Variants in LMLN observed in about 807,000 individuals in gnomAD.
The protein encoded by LMLN is leishmanolysin-like peptidase.
Under a neutral mutation model 92.3 loss-of-function variants are expected in LMLN, and 70 were observed. The ratio of observed to expected loss-of-function variants is 0.76; its 90% CI spans 0.63 to 0.92. The LOEUF is 0.92. Ranked by LOEUF, LMLN falls within the 40% of genes least tolerant of loss-of-function variation. The probability of loss-of-function intolerance (pLI) is 0.00; values close to 1 mark genes in which losing one functional copy is unlikely to be tolerated. For synonymous variants in LMLN, 308 were observed against 296.2 expected, an observed-to-expected ratio of 1.04 and a Z score of -0.41; for missense variants, 691 against 814.6, an observed-to-expected ratio of 0.85 and a Z score of 1.85.
intron 6 of LMLN, among the ~76,000 whole-genome samples, chr3:197,982,357 C>T (rs554369234): frequency 2.0e-5 from 3 of 151,152 alleles, no homozygotes; most frequent in South Asian, 2.1e-4. Flanking sequence ...TCCTGAGTAG[C>T]GGCGACTACA....
intron 14 of LMLN, among the ~76,000 whole-genome samples, chr3:198,033,265 C>G (rs919439133): frequency 6.6e-6 from 1 of 152,140 alleles, no homozygotes; most frequent in Non-Finnish European, 1.5e-5. Flanking sequence ...CCTTAGGATG[C>G]AAATGCTGTC....
Position 198,012,868 on chromosome 3 carries a change from TGTA to T in LMLN, c.1233-6384_1233-6382del, listed in dbSNP as rs1441145226. Among the ~76,000 whole-genome samples the T allele has an allele frequency of 1.2e-3, 165 of 139,390 alleles. 40 individuals carry two copies. The highest frequency in any genetic ancestry group is 3.4e-3 in the African/African-American group (112 of 32,474). The allele number at this position is 139,390 out of a possible 152,430, so 91.4% of individuals were successfully genotyped here. On this transcript the variant is annotated intron_variant, in intron 11 of 15. Coordinates refer to ENST00000330198, the Ensembl canonical transcript of LMLN. ...AGTCCCCTAACTAGTCTGACTTCTC[TGTA>T]CCCTTCAGAGTCCCCTAACTAGTCT...
intron 1 of LMLN, among the ~76,000 whole-genome samples, chr3:197,965,775 G>T (rs1026307183): frequency 2.0e-5 from 3 of 152,144 alleles, no homozygotes; most frequent in Admixed American, 2.0e-4. Context: ...TTAGTTGGGT[G>T]TGGTGTTGTA....
intron 14 of LMLN, among the ~76,000 whole-genome samples, chr3:198,030,423 T>C (rs1560156893): frequency 6.6e-6 from 1 of 152,236 alleles, no homozygotes; most frequent in Admixed American, 6.5e-5. Context: ...TCGTTTTCTC[T>C]GGATTTAAGA....
chr3:198,019,458 A>T lies in LMLN; in HGVS notation c.1365+73A>T. On this transcript the variant is annotated intron_variant, in intron 12 of 15. Transcript: ENST00000330198. This position sits in a 1 kb window ranked among gnomAD's most constrained non-coding sequence, Gnocchi z 5.5. Reference sequence around the variant, plus strand: ...AGTCTCCATTTTAACTAAAAGAGTAAATTCTCTTAAGATTCTTAATTTATA... The same window carrying T: ...AGTCTCCATTTTAACTAAAAGAGTATATTCTCTTAAGATTCTTAATTTATA... 7.1e-7 allele frequency: 1 copy of T among 1,413,472 alleles called. No homozygotes were observed. Among genetic ancestry groups the T allele is most frequent in the Non-Finnish European group, 9.6e-7 (1 of 1,045,988 alleles). The allele number at this position is 1,413,472 out of a possible 1,614,324, so 87.6% of individuals were successfully genotyped here.
chr3:198,000,736 C>T lies in LMLN; in HGVS notation c.1232+1394C>T, dbSNP rs138839951. On this transcript the variant is annotated intron_variant, in intron 11 of 15. Transcript: ENST00000330198. ...AGCCACCGTGCCCAGCATATCTCAT[C>T]GAGTTTTATGAGACTTAAATGAGTA... Among the ~76,000 whole-genome samples the T allele has an allele frequency of 3.9e-3, 591 of 152,164 alleles. 2 individuals carry two copies. The highest frequency in any genetic ancestry group is 0.013 in the African/African-American group (554 of 41,526).
chr3:198,018,951 C>T (rs1482249314), intron 11 of LMLN, among the ~76,000 whole-genome samples: 1 of 152,102 alleles, frequency 6.6e-6, no homozygotes, highest in Non-Finnish European at 1.5e-5. Flanking sequence ...TTTAATGGAA[C>T]AGAACAAGTT....
intron 15 of LMLN, among the ~76,000 whole-genome samples, chr3:198,036,541 C>G (rs374037221): frequency 6.6e-6 from 1 of 151,798 alleles, no homozygotes; most frequent in South Asian, 2.1e-4. Flanking sequence ...TGGCAAAGAC[C>G]GGGGGGTTCA....
At chr3:197,960,462 C>A (rs373204764) in intron 1 of LMLN, 22 bp downstream of exon 1, 1 of 1,604,976 alleles carries the variant, frequency 6.2e-7, no homozygotes, top group Non-Finnish European at 8.5e-7. Flanking sequence ...TGGGCGGGAG[C>A]GGGCCCTCTC....
At position 198,017,344 on chromosome 3, in the gene LMLN, G is replaced by A. The variant is rs540576253; in HGVS notation, c.1233-1909G>A. Among the ~76,000 whole-genome samples, 5 of 151,722 alleles carry A rather than the reference G, an allele frequency of 3.3e-5. No individual in the cohort carries two copies. In the South Asian group the frequency reaches 6.2e-4, roughly 19 times the overall value. On this transcript the variant is annotated intron_variant, in intron 11 of 15. Transcript: ENST00000330198. ...CTGTTCTCAAGCACTTCTGGGCTTC[G>A]TCATTTGTGACTCTTCTCCATTGTT... is the stretch of plus-strand genomic sequence containing the variant.
At chr3:198,029,229 C>T (rs2109949463) in intron 14 of LMLN, among the ~76,000 whole-genome samples, 1 of 152,344 alleles carries the variant, frequency 6.6e-6, no homozygotes, top group South Asian at 2.1e-4. Flanking sequence ...GGTTTACCTT[C>T]ATAGTTCAAG....
At position 198,019,836 on chromosome 3, in the gene LMLN, G is replaced by C. The variant is rs538381530; in HGVS notation, c.1365+451G>C. The stretch of plus-strand genomic sequence containing the variant: ...TCCCACATATCTTGTCTGGATCTCT[G>C]ATTTGACCTTTATGTTTCTTTTTAT... On this transcript the variant is annotated intron_variant, in intron 12 of 15. Transcript: ENST00000330198. This position sits in a 1 kb window ranked among gnomAD's most constrained non-coding sequence, Gnocchi z 5.5. 6.6e-6 allele frequency among the ~76,000 whole-genome samples: 1 copy of C among 152,246 alleles called. No individual in the cohort carries two copies. The highest frequency in any genetic ancestry group is 6.5e-5 in the Admixed American group (1 of 15,290).
At chr3:198,016,005 A>C (rs1368201279) in intron 11 of LMLN, among the ~76,000 whole-genome samples, 2 of 151,854 alleles carry the variant, frequency 1.3e-5, no homozygotes, top group African/African-American at 4.8e-5. Flanking sequence ...TTGAGACCAG[A>C]CTGGGCAACA....
chr3:197,985,709 G>A lies in LMLN; in HGVS notation c.835-87G>A, dbSNP rs770990223. The A allele has an allele frequency of 5.0e-5, 41 of 812,826 alleles. 1 individual carries two copies. The highest frequency in any genetic ancestry group is 9.6e-5 in the South Asian group (6 of 62,336). 50.4% of individuals were successfully genotyped at this position (812,826 alleles called of 1,614,324 possible). Reference sequence around the variant, plus strand: ...ACTGGCGTGGTGCTTCTACGTTCCCGTTAGTATCAGTGCTCTCTTTTGATC... The same window carrying A: ...ACTGGCGTGGTGCTTCTACGTTCCCATTAGTATCAGTGCTCTCTTTTGATC... On this transcript the variant is annotated intron_variant, in intron 7 of 15. Transcript: ENST00000330198.
intron 7 of LMLN, 117 bp downstream of exon 7, chr3:197,984,165 G>T (rs1204952736): frequency 1.6e-6 from 1 of 613,632 alleles, no homozygotes; most frequent in African/African-American, 1.8e-5. Flanking sequence ...TCATGTTCGT[G>T]CACATGTACC....
At chr3:198,020,658 A>G (rs1453288045) in intron 12 of LMLN, among the ~76,000 whole-genome samples, 2 of 151,756 alleles carry the variant, frequency 1.3e-5, no homozygotes, top group South Asian at 2.1e-4. Context: ...CAGTGGTGCA[A>G]TCTCGGCTCA....
Position 197,960,319 on chromosome 3 carries a change from G to A in LMLN, c.98G>A (p.Gly33Glu). The stretch of plus-strand genomic sequence containing the variant: ...GGCCGGAGCCGGTGGCGCTGGAGCG[G>A]GTCTGTGTGGGTCCGAAGCGTTTTA... Residue 33 changes from glycine to glutamate, a missense_variant, in exon 1 of 16, where the codon GGG (glycine) becomes GAG (glutamate). Physicochemically the swap from Gly to Glu is moderately conservative, Grantham distance 98 (BLOSUM62 -2). Transcript: ENST00000330198. 2.5e-6 allele frequency: 4 copies of A among 1,613,870 alleles called. No homozygotes were observed. In the South Asian group the frequency reaches 3.3e-5, roughly 13 times the overall value.
chr3:197,960,284 C>T (rs776269676), exon 1 of LMLN: 1 of 1,613,600 alleles, frequency 6.2e-7, no homozygotes, highest in African/African-American at 1.3e-5. Context: ...GTTACTCGGG[C>T]TCAGGCCCGG....
chr3:197,962,690 TAGAAGCC>T (rs1720938319), intron 1 of LMLN, among the ~76,000 whole-genome samples: 2 of 152,156 alleles, frequency 1.3e-5, no homozygotes. Context: ...TCCTGTGTTC[TAGAAGCC>T]TTCACTTTTA....
Sources: allele counts gnomAD v4.1 joint callset (sites outside exome capture counted in the v4.1 genomes callset), GRCh38; gene constraint gnomAD v4.1.1; non-coding constraint Gnocchi (gnomAD v3.1); transcripts MANE v1.5; gene names NCBI Gene and HGNC (gene_info 2026-07-23, HGNC 2026-07-21).